Variants in PDZD8 observed in about 807,000 individuals in gnomAD.
The protein encoded by PDZD8 is PDZ domain-containing protein 8.
In PDZD8, 14 loss-of-function variants were observed where a neutral mutation model predicts 85.8. The observed-to-expected ratio is 0.16, with a 90% confidence interval of 0.11 to 0.26. PDZD8 has a LOEUF of 0.26. Ranked by LOEUF, PDZD8 falls within the 10% of genes least tolerant of loss-of-function variation. PDZD8 has a pLI of 1.00. For missense variants in PDZD8, 1,197 were observed against 1,424.3 expected (o/e 0.84, Z 2.57); for synonymous variants, 592 against 568.6 (o/e 1.04, Z -0.59).
At chr10:117,327,645 T>G (rs982590642) in intron 2 of PDZD8, among the ~76,000 whole-genome samples, 2 of 152,222 alleles carry the variant, frequency 1.3e-5, no homozygotes, top group Admixed American at 1.3e-4. Context: ...CTGTCCTGAT[T>G]CATGAATCAT....
At chr10:117,368,855 T>G (rs1227548682) in intron 1 of PDZD8, among the ~76,000 whole-genome samples, 1,912 of 128,588 alleles carry the variant, frequency 0.015, 51 homozygotes, top group African/African-American at 0.046. Context: ...GACAATGTTT[T>G]TTTTTTTTTT....
intron 1 of PDZD8, among the ~76,000 whole-genome samples, chr10:117,341,794 G>A (rs1291836561): frequency 2.4e-4 from 37 of 152,176 alleles, no homozygotes; most frequent in Non-Finnish European, 8.8e-5. Context: ...TGGATGTGGA[G>A]CCCACGAATA....
intron 3 of PDZD8, among the ~76,000 whole-genome samples, chr10:117,312,423 G>A (rs1844054602): frequency 2.0e-5 from 3 of 152,068 alleles, no homozygotes; most frequent in African/African-American, 7.2e-5. Flanking sequence ...TATCTCAAAA[G>A]TTCATTGATC....
At chr10:117,360,313 C>A (rs979690206) in intron 1 of PDZD8, among the ~76,000 whole-genome samples, 17 of 152,088 alleles carry the variant, frequency 1.1e-4, no homozygotes, top group Non-Finnish European at 2.2e-4. Flanking sequence ...AATCTCATAT[C>A]TTCTTATGTT....
In PDZD8 at chr10:117,341,144, C is replaced by T. The variant is rs756961786; in HGVS notation, c.873-42G>A. 6.3e-6 allele frequency: 10 copies of T among 1,594,600 alleles called. No individual in the cohort carries two copies. In the African/African-American group the frequency reaches 1.2e-4, roughly 19 times the overall value. ...TAAGTCTAAATGTCTGAATAATAAA[C>T]ACCACAGTTTAAAGCATAACAAAAC... On this transcript the variant is annotated intron_variant, in intron 1 of 4. Coordinates refer to ENST00000334464, the MANE Select transcript of PDZD8 (RefSeq NM_173791.5).
intron 3 of PDZD8, among the ~76,000 whole-genome samples, chr10:117,301,169 T>C (rs1371035838): frequency 2.0e-5 from 3 of 152,046 alleles, no homozygotes; most frequent in Admixed American, 1.3e-4. Context: ...TTATTTTTAG[T>C]AGAGACAGGG....
intron 3 of PDZD8, among the ~76,000 whole-genome samples, chr10:117,296,813 A>T (rs1843766592): frequency 1.3e-5 from 2 of 152,162 alleles, no homozygotes; most frequent in South Asian, 4.1e-4. Flanking sequence ...CCTAAACTTA[A>T]GGACTAAAAC....
At chr10:117,346,561 C>T (rs1309749680) in intron 1 of PDZD8, among the ~76,000 whole-genome samples, 3 of 149,328 alleles carry the variant, frequency 2.0e-5, no homozygotes, top group Non-Finnish European at 4.5e-5. Context: ...TGGAATTTTC[C>T]TTTAATAAAA....
chr10:117,335,622 G>C (rs1166058846), intron 2 of PDZD8, among the ~76,000 whole-genome samples: 1 of 152,094 alleles, frequency 6.6e-6, no homozygotes, highest in Non-Finnish European at 1.5e-5. Context: ...AAGTAGGAGT[G>C]GGGGGAGACT....
At chr10:117,319,377 A>G (rs946257496) in intron 2 of PDZD8, among the ~76,000 whole-genome samples, 22 of 145,546 alleles carry the variant, frequency 1.5e-4, no homozygotes, top group African/African-American at 5.6e-4. Context: ...CTAAAGTGCA[A>G]TATAATTGCT....
At chr10:117,285,589 TAGA>T in intron 4 of PDZD8, 118 bp from the exon 5 acceptor site, 1 of 1,145,724 alleles carries the variant, frequency 8.7e-7, no homozygotes, top group African/African-American at 1.6e-5. Flanking sequence ...ATTTAACTAA[TAGA>T]AGAATAATAG....
chr10:117,306,398 T>C (rs1418584380), intron 3 of PDZD8, among the ~76,000 whole-genome samples: 2 of 152,206 alleles, frequency 1.3e-5, no homozygotes, highest in Non-Finnish European at 2.9e-5. Context: ...TTTACAATGA[T>C]TGATGTTGGA....
intron 1 of PDZD8, among the ~76,000 whole-genome samples, chr10:117,352,322 T>C (rs1005653530): frequency 3.9e-5 from 6 of 152,188 alleles, no homozygotes; most frequent in African/African-American, 7.2e-5. Flanking sequence ...GTGATAAATC[T>C]GCTAGAGTTT....
intron 1 of PDZD8, among the ~76,000 whole-genome samples, chr10:117,356,781 T>C (rs1844902296): frequency 6.6e-6 from 1 of 152,198 alleles, no homozygotes; most frequent in Non-Finnish European, 1.5e-5. Flanking sequence ...ATAACCCAGA[T>C]AGCTTATAAG....
rs1478207823 is a variant in PDZD8 at position 117,281,570 on chromosome 10, TA to T, written c.*1697del. ...CCCTCAAAAATGTCTTTCTTACTCA[TA>T]TAAATAATGCCTTTTACTTGTATAT... is the stretch of plus-strand genomic sequence containing the variant. On this transcript the variant is annotated 3_prime_UTR_variant, in exon 5 of 5. Coordinates refer to ENST00000334464, the MANE Select transcript of PDZD8 (RefSeq NM_173791.5). 1 of 152,192 alleles carries T rather than the reference TA, an allele frequency of 6.6e-6. No homozygotes were observed. Among genetic ancestry groups the T allele is most frequent in the Non-Finnish European group, 1.5e-5 (1 of 68,032 alleles). 9.4% of individuals were successfully genotyped at this position (152,192 alleles called of 1,614,324 possible).
chr10:117,310,644 T>C (rs1251006453), intron 3 of PDZD8, among the ~76,000 whole-genome samples: 1 of 152,158 alleles, frequency 6.6e-6, no homozygotes, highest in African/African-American at 2.4e-5. Flanking sequence ...AGCCAAACTA[T>C]AGAATGTTAT....
intron 1 of PDZD8, among the ~76,000 whole-genome samples, chr10:117,357,468 T>A (rs200608578): frequency 0.11 from 15,987 of 151,468 alleles, 1,104 homozygotes; most frequent in East Asian, 0.34. Context: ...AGTCTGTGAT[T>A]AAAAAAGCCT....
At chr10:117,364,316 GACA>G (rs965566700) in intron 1 of PDZD8, among the ~76,000 whole-genome samples, 22 of 152,026 alleles carry the variant, frequency 1.4e-4, no homozygotes, top group African/African-American at 4.1e-4. Flanking sequence ...TGTTTATAAT[GACA>G]ACGTTTAACC....
intron 1 of PDZD8, among the ~76,000 whole-genome samples, chr10:117,346,818 C>T (rs1399457464): frequency 6.6e-6 from 1 of 151,688 alleles, no homozygotes; most frequent in Non-Finnish European, 1.5e-5. Context: ...CAGGTGGAGG[C>T]CTCATTTGTA....
Sources: allele counts gnomAD v4.1 joint callset (sites outside exome capture counted in the v4.1 genomes callset), GRCh38; gene constraint gnomAD v4.1.1; transcripts MANE v1.5; gene names NCBI Gene and HGNC (gene_info 2026-07-23, HGNC 2026-07-21).